Variants in LRP1B observed in about 807,000 individuals in gnomAD.
LRP1B encodes the protein LDL receptor related protein 1B.
A neutral mutation model predicts 556.6 loss-of-function variants in LRP1B; 217 were observed. The ratio of observed to expected loss-of-function variants is 0.39; its 90% CI spans 0.35 to 0.44. The LOEUF (loss-of-function observed/expected upper bound fraction) is 0.44, where lower values mean the gene tolerates loss of function less well. Among genes scored for constraint, LRP1B ranks in the 20% least tolerant of loss-of-function variants. The pLI, the probability that LRP1B is intolerant of heterozygous loss-of-function variation, is 1.00. For missense variants in LRP1B, 5,053 were observed against 5,620.8 expected (o/e 0.90, Z 3.23); for synonymous variants, 2,047 against 1,865.8 (o/e 1.10, Z -2.50).
intron 3 of LRP1B, among the ~76,000 whole-genome samples, chr2:141,291,583 G>A (rs914550035): frequency 5.3e-5 from 8 of 152,114 alleles, no homozygotes; most frequent in African/African-American, 9.6e-5. Flanking sequence ...GAGGCCGGGC[G>A]CGGTGGCTCA....
intron 77 of LRP1B, among the ~76,000 whole-genome samples, chr2:140,344,087 A>G (rs1573821093): frequency 6.6e-6 from 1 of 151,804 alleles, no homozygotes; most frequent in Non-Finnish European, 1.5e-5. Context: ...TTTTATGACA[A>G]TTATAGCTTA....
chr2:141,231,521 G>C (rs544867323), intron 5 of LRP1B, among the ~76,000 whole-genome samples: 76 of 152,286 alleles, frequency 5.0e-4, no homozygotes, highest in African/African-American at 1.6e-3. Flanking sequence ...AGATGGTCCA[G>C]TGGCTGCAGC....
At chr2:140,642,168 TCAGTGCCAAATTGC>T (rs1347619130) in intron 41 of LRP1B, among the ~76,000 whole-genome samples, 2 of 152,152 alleles carry the variant, frequency 1.3e-5, no homozygotes, top group Admixed American at 6.5e-5. Context: ...CCATTTGTTG[TCAGTGCCAAATTGC>T]CAGTGCCAAA....
chr2:141,964,075 C>T (rs1169461488), intron 1 of LRP1B, among the ~76,000 whole-genome samples: 2 of 135,000 alleles, frequency 1.5e-5, no homozygotes, highest in African/African-American at 5.7e-5. Context: ...CTACAAACCA[C>T]TGCTCAAGGA....
In LRP1B at chr2:140,387,043, A is replaced by C. The variant is rs1301905348; in HGVS notation, c.10415-1034T>G. Among the ~76,000 whole-genome samples, 3 of 152,196 alleles carry C rather than the reference A, an allele frequency of 2.0e-5. No homozygotes were observed. The East Asian group carries it at 5.8e-4, about 29-fold the overall frequency. ...GAATAGCAAGGTTCTAAAGTATCAA[A>C]ATTATGAATTAAATAACACTAAAAT... On this transcript the variant is annotated intron_variant, in intron 66 of 90. Transcript: ENST00000389484.
intron 1 of LRP1B, among the ~76,000 whole-genome samples, chr2:142,117,204 T>C (rs991653836): frequency 6.6e-6 from 1 of 152,154 alleles, no homozygotes; most frequent in African/African-American, 2.4e-5. Flanking sequence ...AGAAACATGA[T>C]CCCATGTTAA....
At chr2:140,610,441 T>C (rs1006716025) in intron 41 of LRP1B, among the ~76,000 whole-genome samples, 3 of 152,198 alleles carry the variant, frequency 2.0e-5, no homozygotes, top group African/African-American at 7.2e-5. Flanking sequence ...AATTCTTAAA[T>C]GCCCAAGACC....
intron 1 of LRP1B, among the ~76,000 whole-genome samples, chr2:141,896,467 T>C (rs1268921104): frequency 6.6e-6 from 1 of 152,208 alleles, no homozygotes; most frequent in Non-Finnish European, 1.5e-5. Flanking sequence ...TATAACTCTA[T>C]ACATGTTTAT....
chr2:140,393,357 G>A (rs970121949), intron 66 of LRP1B, among the ~76,000 whole-genome samples: 1 of 151,824 alleles, frequency 6.6e-6, no homozygotes, highest in Non-Finnish European at 1.5e-5. Context: ...TAATGTTTTA[G>A]TTGTTTAGAA....
chr2:140,278,250 T>C (rs896097249), intron 84 of LRP1B, among the ~76,000 whole-genome samples: 9 of 152,026 alleles, frequency 5.9e-5, no homozygotes, highest in Non-Finnish European at 8.8e-5. Context: ...AGGGAACTTT[T>C]GCAGTGCTGA....
intron 1 of LRP1B, among the ~76,000 whole-genome samples, chr2:141,882,084 T>C (rs1698977541): frequency 6.6e-6 from 1 of 152,056 alleles, no homozygotes; most frequent in African/African-American, 2.4e-5. Context: ...TTCCTAAAAT[T>C]GCATTACAAA....
At position 141,517,809 on chromosome 2, in the gene LRP1B, A is replaced by G. The variant is rs185109256; in HGVS notation, c.206-37276T>C. On this transcript the variant is annotated intron_variant, in intron 2 of 90. Coordinates refer to ENST00000389484, the MANE Select transcript of LRP1B (RefSeq NM_018557.3). ...GCTTACTTCCTAAGATATGACAGGAACTATTATAATAAAGAAAATTTCATT... is the reference window on the plus strand; with the variant it reads ...GCTTACTTCCTAAGATATGACAGGAGCTATTATAATAAAGAAAATTTCATT... Among the ~76,000 whole-genome samples the G allele has an allele frequency of 6.6e-5, 10 of 152,292 alleles. No homozygotes were observed. In the East Asian group the frequency reaches 1.9e-3, roughly 29 times the overall value.
intron 1 of LRP1B, among the ~76,000 whole-genome samples, chr2:141,988,551 G>A (rs1030858258): frequency 6.6e-6 from 1 of 151,924 alleles, no homozygotes; most frequent in Non-Finnish European, 1.5e-5. Context: ...GTATGTAATT[G>A]GTTATGGGTT....
intron 6 of LRP1B, among the ~76,000 whole-genome samples, chr2:141,202,470 T>C (rs925638119): frequency 6.6e-6 from 1 of 152,246 alleles, no homozygotes; most frequent in Non-Finnish European, 1.5e-5. Context: ...GTTCTGCTTT[T>C]AGCTCTTTGA....
At chr2:140,879,762 C>T (rs189180133) in intron 25 of LRP1B, among the ~76,000 whole-genome samples, 1 of 151,838 alleles carries the variant, frequency 6.6e-6, no homozygotes, top group Non-Finnish European at 1.5e-5. Context: ...TGGAAATGTT[C>T]AGTCACAATA....
At chr2:140,803,206 ATACTTAAG>A (rs941317118) in intron 32 of LRP1B, among the ~76,000 whole-genome samples, 2 of 150,826 alleles carry the variant, frequency 1.3e-5, no homozygotes, top group Non-Finnish European at 2.9e-5. Flanking sequence ...GTCCTTCATA[ATACTTAAG>A]CACTTAAGCC....
intron 1 of LRP1B, among the ~76,000 whole-genome samples, chr2:142,118,482 A>G (rs2290140): frequency 0.62 from 93,567 of 152,044 alleles, 29,348 homozygotes; most frequent in East Asian, 0.72. Flanking sequence ...CCAACGGGTC[A>G]ACATTTTCTG....
At chr2:141,314,018 T>C (rs956928289) in intron 3 of LRP1B, among the ~76,000 whole-genome samples, 25 of 152,204 alleles carry the variant, frequency 1.6e-4, no homozygotes, top group African/African-American at 5.5e-4. Flanking sequence ...TTTTTACTTC[T>C]TTTTTGGGCG....
intron 7 of LRP1B, among the ~76,000 whole-genome samples, chr2:141,084,667 T>C (rs949209012): frequency 9.0e-5 from 11 of 121,766 alleles, no homozygotes; most frequent in African/African-American, 2.1e-4. Flanking sequence ...TTTTTTTTTT[T>C]CAGACGGAGT....
Sources: allele counts gnomAD v4.1 joint callset (sites outside exome capture counted in the v4.1 genomes callset), GRCh38; gene constraint gnomAD v4.1.1; transcripts MANE v1.5; gene names NCBI Gene and HGNC (gene_info 2026-07-23, HGNC 2026-07-21).